The following SUPT20H variants were observed in gnomAD, a reference collection of about 807,000 sequenced individuals.
The protein encoded by SUPT20H is SPT20 homolog, SAGA complex component, also known as transcription factor SPT20 homolog.
Under a neutral mutation model 122.8 loss-of-function variants are expected in SUPT20H, and 82 were observed. The ratio of observed to expected loss-of-function variants is 0.67; its 90% CI spans 0.56 to 0.80. The LOEUF (loss-of-function observed/expected upper bound fraction) is 0.80, where lower values mean the gene tolerates loss of function less well. Among genes scored for constraint, SUPT20H ranks in the 30% least tolerant of loss-of-function variants. The probability of loss-of-function intolerance (pLI) is 0.00; values close to 1 mark genes in which losing one functional copy is unlikely to be tolerated. For missense variants in SUPT20H, 831 were observed against 921.6 expected (o/e 0.90, Z 1.27); for synonymous variants, 291 against 313.0 (o/e 0.93, Z 0.74).
intron 24 of SUPT20H, among the ~76,000 whole-genome samples, chr13:37,011,035 T>A (rs2059534412): frequency 6.6e-6 from 1 of 152,210 alleles, no homozygotes; most frequent in South Asian, 2.1e-4. Flanking sequence ...ACAACAAAGC[T>A]GGTAGACAGA....
intron 23 of SUPT20H, chr13:37,013,237 C>A (rs1288870908): frequency 6.6e-6 from 1 of 152,050 alleles, no homozygotes; most frequent in African/African-American, 2.4e-5. Context: ...GTGGTATTGG[C>A]TGAAGGAGAG....
chr13:37,018,421 G>A (rs940319668), intron 22 of SUPT20H, among the ~76,000 whole-genome samples: 1 of 152,122 alleles, frequency 6.6e-6, no homozygotes, highest in South Asian at 2.1e-4. Context: ...ATACTGCATC[G>A]TATATAGGAA....
At chr13:37,018,000 C>T (rs1301667702) in intron 22 of SUPT20H, among the ~76,000 whole-genome samples, 3 of 151,988 alleles carry the variant, frequency 2.0e-5, no homozygotes, top group Non-Finnish European at 4.4e-5. Context: ...CACCAAAAAA[C>T]AAACAGTTTT....
intron 1 of SUPT20H, chr13:37,056,766 A>G (rs913538978): frequency 6.6e-6 from 1 of 151,748 alleles, no homozygotes; most frequent in Non-Finnish European, 1.5e-5. Flanking sequence ...AAAGTATAAT[A>G]AAAAGAAAAA....
chr13:37,022,018 A>G lies in SUPT20H; in HGVS notation c.1654T>C (p.Ser552Pro), dbSNP rs747956931. 2 of 1,590,004 alleles carry G rather than the reference A, an allele frequency of 1.3e-6. No homozygotes were observed. Among genetic ancestry groups the G allele is most frequent in the Non-Finnish European group, 1.7e-6 (2 of 1,164,338 alleles). The change falls in exon 20 of 26, where the codon TCT becomes CCT. Residue 552 changes from serine to proline, a missense_variant. Transcript: ENST00000350612. This position sits in a 1 kb window ranked among gnomAD's most constrained non-coding sequence, Gnocchi z 4.5. ...AGLNFINVVG[S>P]VCGAQALMSG... is the part of the protein sequence containing the mutation. ...ACATCAATGCAAACTTACCAAACAG[A>G]GCCCACTACATTGATGAAGTTAAGT...
chr13:37,020,902 C>T (rs1280019715), intron 21 of SUPT20H, among the ~76,000 whole-genome samples: 1 of 152,156 alleles, frequency 6.6e-6, no homozygotes, highest in Admixed American at 6.6e-5. Flanking sequence ...ATGTCTCAGG[C>T]ACAGTTTAAA....
chr13:37,013,100 A>C (rs979161130), intron 23 of SUPT20H: 3 of 152,132 alleles, frequency 2.0e-5, no homozygotes, highest in African/African-American at 7.2e-5. Context: ...GTTTTTGTAG[A>C]TATAGACAAG....
chr13:37,024,790 T>C (rs1463935813), intron 17 of SUPT20H: 1 of 174,576 alleles, frequency 5.7e-6, no homozygotes, highest in Non-Finnish European at 1.2e-5. Context: ...AAATAACAGC[T>C]GTTGAAGCCA....
chr13:37,009,527 A>C lies in SUPT20H; in HGVS notation c.*145T>G. 1 of 1,049,526 alleles carries C rather than the reference A, an allele frequency of 9.5e-7. No individual in the cohort carries two copies. The highest frequency in any genetic ancestry group is 2.4e-5 in the East Asian group (1 of 41,258). 65.0% of individuals were successfully genotyped at this position (1,049,526 alleles called of 1,614,324 possible). ...ACCATTTCCCTGTTTTTATTTAAAA[A>C]TGATAAGGTTGTGCTTCTGTATAAA... On this transcript the variant is annotated 3_prime_UTR_variant, in exon 26 of 26. Transcript: ENST00000350612.
chr13:37,043,335 T>C (rs2065836940), intron 7 of SUPT20H, among the ~76,000 whole-genome samples: 2 of 152,120 alleles, frequency 1.3e-5, no homozygotes, highest in Non-Finnish European at 2.9e-5. Context: ...GAGTACACAG[T>C]ATGGCTGGGG....
At chr13:37,043,912 T>C (rs970898373) in intron 7 of SUPT20H, among the ~76,000 whole-genome samples, 166 bp downstream of exon 7, 2 of 151,930 alleles carry the variant, frequency 1.3e-5, no homozygotes, top group South Asian at 2.1e-4. Flanking sequence ...CCTGATTTCA[T>C]GTTCTAAAGG....
chr13:37,023,586 A>G (rs968278250), intron 19 of SUPT20H: 3 of 153,078 alleles, frequency 2.0e-5, no homozygotes, highest in African/African-American at 4.8e-5. Context: ...AGTTTATTGT[A>G]TCACCACCTT....
chr13:37,049,483 T>C (rs1383358788), intron 2 of SUPT20H, among the ~76,000 whole-genome samples: 1 of 152,174 alleles, frequency 6.6e-6, no homozygotes, highest in East Asian at 1.9e-4. Context: ...CTCATGCCTG[T>C]AATCCCAGCA....
At chr13:37,058,280 G>A (rs1046981443) in intron 1 of SUPT20H, among the ~76,000 whole-genome samples, 1 of 151,928 alleles carries the variant, frequency 6.6e-6, no homozygotes, top group African/African-American at 2.4e-5. Context: ...TTTAAAAAAT[G>A]GACTAACCTC....
At chr13:37,034,740 T>C (rs1046345565) in intron 9 of SUPT20H, among the ~76,000 whole-genome samples, 5 of 152,250 alleles carry the variant, frequency 3.3e-5, no homozygotes, top group African/African-American at 1.2e-4. Context: ...AGAACTTTCA[T>C]AGCTAGAGAG....
In SUPT20H at chr13:37,009,588, TAAAA is replaced by T. The variant is rs750307293; in HGVS notation, c.*80_*83del. Reference sequence around the variant, plus strand: ...CTAGCAATGTAAAATACTGACACATTAAAAAAAACAAAAAGTAGAAACTCAATTC... The same window carrying T: ...CTAGCAATGTAAAATACTGACACATTAAAACAAAAAGTAGAAACTCAATTC... On this transcript the variant is annotated 3_prime_UTR_variant, in exon 26 of 26. Coordinates refer to ENST00000350612, the MANE Select transcript of SUPT20H (RefSeq NM_001014286.3). 13 of 1,519,232 alleles carry T rather than the reference TAAAA, an allele frequency of 8.6e-6. No homozygotes were observed. The African/African-American group carries it at 9.6e-5, about 11-fold the overall frequency. The allele number at this position is 1,519,232 out of a possible 1,614,324, so 94.1% of individuals were successfully genotyped here. A position where few individuals can be genotyped will look rare whatever the true frequency, so the allele number is the denominator to read the frequency against.
intron 16 of SUPT20H, among the ~76,000 whole-genome samples, 180 bp from the exon 17 acceptor site, chr13:37,025,617 T>C (rs1319260292): frequency 6.6e-6 from 1 of 152,176 alleles, no homozygotes; most frequent in Non-Finnish European, 1.5e-5. Context: ...AACTGTTCAA[T>C]GACAAATTGT....
chr13:37,029,330 A>G (rs893723072), intron 13 of SUPT20H, among the ~76,000 whole-genome samples: 7 of 152,166 alleles, frequency 4.6e-5, no homozygotes, highest in African/African-American at 1.7e-4. Context: ...GGAGTTCGAG[A>G]CCAGCCTGGC....
At position 37,024,651 on chromosome 13, in the gene SUPT20H, T is replaced by A. The variant is rs570927438; in HGVS notation, c.1330-209A>T. 6 of 338,560 alleles carry A rather than the reference T, an allele frequency of 1.8e-5. No individual in the cohort carries two copies. In the South Asian group the frequency reaches 6.6e-4, roughly 37 times the overall value. 21.0% of individuals were successfully genotyped at this position (338,560 alleles called of 1,614,324 possible). A position where few individuals can be genotyped will look rare whatever the true frequency, so the allele number is the denominator to read the frequency against. ...TTTCACATGAGATTCATGAAATATA[T>A]TACAGTACACATAAAGAATGAGGAA... On this transcript the variant is annotated intron_variant, in intron 17 of 25. Coordinates refer to ENST00000350612, the MANE Select transcript of SUPT20H (RefSeq NM_001014286.3).
Sources: allele counts gnomAD v4.1 joint callset (sites outside exome capture counted in the v4.1 genomes callset), GRCh38; gene constraint gnomAD v4.1.1; non-coding constraint Gnocchi (gnomAD v3.1); transcripts MANE v1.5; gene names NCBI Gene and HGNC (gene_info 2026-07-23, HGNC 2026-07-21).